FLT1: variants seen among roughly 807,000 people sequenced by gnomAD.
The protein encoded by FLT1 is vascular endothelial growth factor receptor 1.
FLT1 carries 49 observed loss-of-function variants against 156.3 expected under a neutral mutation model. That is an observed-to-expected ratio of 0.31 (90% CI 0.25 to 0.40). The LOEUF (loss-of-function observed/expected upper bound fraction) is 0.40. FLT1 is among the 10% of genes least tolerant of loss of function. FLT1 has a pLI of 1.00. For missense variants in FLT1, 1,322 were observed against 1,637.2 expected (o/e 0.81, Z 3.32); for synonymous variants, 594 against 583.8 (o/e 1.02, Z -0.25).
chr13:28,484,543 T>C (rs1366801212), intron 1 of FLT1, among the ~76,000 whole-genome samples: 1 of 152,134 alleles, frequency 6.6e-6, no homozygotes, highest in African/African-American at 2.4e-5. Context: ...ACTCACATGA[T>C]TAAAATTCTG....
At chr13:28,363,765 C>T (rs1873192350) in intron 14 of FLT1, among the ~76,000 whole-genome samples, 1 of 152,072 alleles carries the variant, frequency 6.6e-6, no homozygotes, top group South Asian at 2.1e-4. Flanking sequence ...AGGCGCCCAC[C>T]ACTGCATCTG....
At position 28,477,470 on chromosome 13, in the gene FLT1, A is replaced by T. The variant is rs139070480; in HGVS notation, c.65-9853T>A. Among the ~76,000 whole-genome samples, 11 of 152,332 alleles carry T rather than the reference A, an allele frequency of 7.2e-5. 1 individual carries two copies. In the East Asian group the frequency reaches 2.1e-3, roughly 29 times the overall value. ...ACAATATGTCATTTCAGTTTACCAT[A>T]CGATGTCATGAAAGTTATCTGAGCT... On this transcript the variant is annotated intron_variant, in intron 1 of 29. Coordinates refer to ENST00000282397, the MANE Select transcript of FLT1 (RefSeq NM_002019.4).
intron 14 of FLT1, among the ~76,000 whole-genome samples, chr13:28,377,317 T>C (rs953030622): frequency 2.0e-5 from 3 of 152,120 alleles, no homozygotes; most frequent in African/African-American, 7.2e-5. Context: ...CTAACAACAA[T>C]TGAGAACTTA....
intron 14 of FLT1, among the ~76,000 whole-genome samples, chr13:28,368,948 A>G (rs894059455): frequency 9.9e-5 from 15 of 151,746 alleles, no homozygotes; most frequent in African/African-American, 3.6e-4. Context: ...CAGGTGATCC[A>G]CCAGCCTCAG....
chr13:28,436,829 GT>G (rs1878051284), intron 4 of FLT1, among the ~76,000 whole-genome samples: 1 of 152,148 alleles, frequency 6.6e-6, no homozygotes, highest in Non-Finnish European at 1.5e-5. Flanking sequence ...CCTGACTTAA[GT>G]TTTCTAACAG....
At chr13:28,444,016 A>T (rs1006138384) in intron 3 of FLT1, among the ~76,000 whole-genome samples, 1 of 152,250 alleles carries the variant, frequency 6.6e-6, no homozygotes, top group African/African-American at 2.4e-5. Context: ...CTTGAGGAAG[A>T]TATAACAATT....
intron 3 of FLT1, among the ~76,000 whole-genome samples, chr13:28,447,125 CT>C (rs1878660442): frequency 7.4e-6 from 1 of 135,170 alleles, no homozygotes; most frequent in South Asian, 2.3e-4. Flanking sequence ...TAACCAAAAA[CT>C]GCTAACTATA....
At chr13:28,441,323 T>A (rs1186193658) in intron 3 of FLT1, among the ~76,000 whole-genome samples, 1 of 152,192 alleles carries the variant, frequency 6.6e-6, no homozygotes, top group Admixed American at 6.5e-5. Flanking sequence ...CACAAACCCT[T>A]GAATCTCTCC....
chr13:28,453,029 T>TCC (rs1180035502), intron 3 of FLT1, among the ~76,000 whole-genome samples: 1 of 214 alleles, frequency 4.7e-3, no homozygotes, highest in Non-Finnish European at 7.0e-3. Flanking sequence ...CCCCTCCCCT[T>TCC]TCCTTTCCTT....
At position 28,466,950 on chromosome 13, in the gene FLT1, G is replaced by T. The variant is rs148901240; in HGVS notation, c.341C>A (p.Thr114Asn). 5.5e-5 allele frequency: 88 copies of T among 1,613,922 alleles called. 1 individual carries two copies. In the East Asian group the frequency reaches 1.3e-3, roughly 24 times the overall value. ...AGATTCTGTTTCCTTCTTCTTTGAAGTAGGTACAGCTAGATATTTGCAGCT... is the reference window on the plus strand; with the variant it reads ...AGATTCTGTTTCCTTCTTCTTTGAATTAGGTACAGCTAGATATTTGCAGCT... ...FYSCKYLAVP[T>N]SKKKETESAI... is the part of the protein sequence containing the mutation. The change falls in exon 3 of 30, where the codon ACT becomes AAT. Residue 114 changes from threonine to asparagine, a missense_variant. Thr to Asn is a moderately conservative substitution (Grantham distance 65). Around this residue, in one of 3 missense-constraint regions of FLT1, gnomAD observed 991 missense variants for 1,254.8 expected, o/e 0.79. Transcript: ENST00000282397.
intron 1 of FLT1, among the ~76,000 whole-genome samples, chr13:28,486,678 T>C (rs975569177): frequency 1.3e-5 from 2 of 152,236 alleles, no homozygotes; most frequent in Non-Finnish European, 2.9e-5. Context: ...AGTCCCCCTC[T>C]CCTCAGAAGG....
In FLT1 at chr13:28,384,908, T is replaced by C; in HGVS notation, c.2093A>G (p.Asn698Ser). 1 of 1,614,146 alleles carries C rather than the reference T, an allele frequency of 6.2e-7. No homozygotes were observed. Among genetic ancestry groups the C allele is most frequent in the Non-Finnish European group, 8.5e-7 (1 of 1,180,026 alleles). The change falls in exon 14 of 30, where the codon AAC (asparagine) becomes AGC (serine). Residue 698 changes from asparagine (N) to serine (S), a missense_variant. By Grantham distance (46) the Asn-to-Ser change is conservative. Around this residue, in one of 3 missense-constraint regions of FLT1, gnomAD observed 991 missense variants for 1,254.8 expected, o/e 0.79. Transcript: ENST00000282397. ...ACCAGGCTCTTGTTGTATTTTGTGG[T>C]TGTTTTTAAACCAAGTGATCTGAGG... is the stretch of plus-strand genomic sequence containing the variant. ...PEPQITWFKNNHKIQQEPGII... is the reference protein window; with the variant it reads ...PEPQITWFKNSHKIQQEPGII...
intron 12 of FLT1, among the ~76,000 whole-genome samples, chr13:28,396,049 G>T (rs1414160804): frequency 6.6e-6 from 1 of 152,244 alleles, no homozygotes; most frequent in Non-Finnish European, 1.5e-5. Flanking sequence ...GAGCTATGAT[G>T]CAGAATAGCC....
chr13:28,350,422 A>G (rs1872702860), intron 15 of FLT1, among the ~76,000 whole-genome samples: 1 of 152,098 alleles, frequency 6.6e-6, no homozygotes, highest in Admixed American at 6.5e-5. Flanking sequence ...CACACCAGGG[A>G]TGGTCTGAGT....
chr13:28,466,099 A>T (rs548643751), intron 3 of FLT1, among the ~76,000 whole-genome samples: 16 of 151,962 alleles, frequency 1.1e-4, no homozygotes, highest in Middle Eastern at 6.8e-3. Context: ...TCCCCTCAAG[A>T]TTTGAAAATT....
chr13:28,412,385 T>TTTCTTTCTTTCTTTCTTTCCTTCCTTCC (rs1593762426), intron 10 of FLT1, among the ~76,000 whole-genome samples: 7 of 84,938 alleles, frequency 8.2e-5, no homozygotes, highest in African/African-American at 2.6e-4. Context: ...TCTTTCTTTC[T>TTTCTTTCTTTCTTTCTTTCCTTCCTTCC]TTCTTTCTTT....
At chr13:28,353,379 C>A (rs1028998120) in intron 15 of FLT1, among the ~76,000 whole-genome samples, 2 of 151,762 alleles carry the variant, frequency 1.3e-5, no homozygotes, top group African/African-American at 4.8e-5. Flanking sequence ...TCGAGACCAG[C>A]CTGGCCAACG....
chr13:28,446,759 A>G (rs1209966272), intron 3 of FLT1, among the ~76,000 whole-genome samples: 1 of 152,220 alleles, frequency 6.6e-6, no homozygotes, highest in Non-Finnish European at 1.5e-5. Context: ...AATAACTGTA[A>G]GAATCCCAGA....
chr13:28,319,625 T>C (rs1246206023), intron 23 of FLT1, 91 bp from the exon 24 acceptor site: 1 of 744,720 alleles, frequency 1.3e-6, no homozygotes, highest in East Asian at 2.6e-5. Flanking sequence ...CCAGATAACA[T>C]ACGGCCTATA....
Sources: gnomAD v4.1 joint callset for allele counts (sites outside exome capture counted in the v4.1 genomes callset) on GRCh38, gnomAD v4.1.1 for gene constraint, gnomAD v4.1.1 regional missense constraint, MANE v1.5 for transcripts, NCBI Gene and HGNC (gene_info 2026-07-23, HGNC 2026-07-21) for gene names.